Variants in PCNX2 observed in about 807,000 individuals in gnomAD.
PCNX2 encodes pecanex-like protein 2.
PCNX2 carries 168 observed loss-of-function variants against 223.8 expected under a neutral mutation model. That is an observed-to-expected ratio of 0.75 (90% CI 0.66 to 0.85). The LOEUF is 0.85. Among genes scored for constraint, PCNX2 ranks in the 40% least tolerant of loss-of-function variants. PCNX2 has a pLI of 0.00. For missense variants in PCNX2, 2,507 were observed against 2,675.5 expected, an observed-to-expected ratio of 0.94 and a Z score of 1.39; for synonymous variants, 1,006 against 1,052.6, an observed-to-expected ratio of 0.96 and a Z score of 0.86.
At chr1:233,274,568 A>G (rs955904276) in intron 1 of PCNX2, among the ~76,000 whole-genome samples, 1 of 152,218 alleles carries the variant, frequency 6.6e-6, no homozygotes, top group African/African-American at 2.4e-5. Flanking sequence ...GTAGAATTCC[A>G]AAGTAGAGTA....
At chr1:233,277,902 C>T (rs902169152) in intron 1 of PCNX2, among the ~76,000 whole-genome samples, 6 of 152,066 alleles carry the variant, frequency 3.9e-5, no homozygotes, top group South Asian at 2.1e-4. Flanking sequence ...GCAAAGAACA[C>T]CAAGAAGCAA....
At chr1:233,309,645 A>T in the PCNX2 span, among the ~76,000 whole-genome samples, 1 of 152,016 alleles carries the variant, frequency 6.6e-6, no homozygotes, top group African/African-American at 2.4e-5. Flanking sequence ...TGGGAGGCTG[A>T]GGAGGGCGGA....
In PCNX2 at chr1:233,177,823, G is replaced by C. The variant is rs753862008; in HGVS notation, c.3252C>G (p.Pro1084=). The C allele has an allele frequency of 5.4e-5, 87 of 1,613,452 alleles. No homozygotes were observed. Among genetic ancestry groups the C allele is most frequent in the Non-Finnish European group, 7.1e-5 (84 of 1,179,580 alleles). Residue 1084 remains proline (P), a synonymous_variant, in exon 17 of 34, where the codon CCC becomes CCG. Transcript: ENST00000258229. ...NLAESAADPL[P]KKMKDSVTDV... ...TCACCACTGAATCTTTCATCTTCTT[G>C]GGGAGAGGGTCAGCAGCTGACTCTG...
intron 25 of PCNX2, among the ~76,000 whole-genome samples, chr1:233,031,362 C>G (rs1315085603): frequency 6.6e-6 from 1 of 152,164 alleles, no homozygotes; most frequent in African/African-American, 2.4e-5. Flanking sequence ...TTCACAGTGT[C>G]TGGTAATTAG....
intron 1 of PCNX2, among the ~76,000 whole-genome samples, chr1:233,277,254 G>T (rs1660964158): frequency 6.6e-6 from 1 of 152,190 alleles, no homozygotes; most frequent in Non-Finnish European, 1.5e-5. Context: ...CTGCTGGGAG[G>T]CCTGGCGTGG....
chr1:233,102,391 T>C (rs752736207), intron 21 of PCNX2, among the ~76,000 whole-genome samples: 4 of 152,232 alleles, frequency 2.6e-5, no homozygotes, highest in Admixed American at 6.5e-5. Flanking sequence ...TTTGGATAGA[T>C]AGCCAGCCTT....
At chr1:233,211,772 A>C in intron 12 of PCNX2, 1 of 985,246 alleles carries the variant, frequency 1.0e-6, no homozygotes, top group Non-Finnish European at 1.2e-6. Context: ...ACAAAATTTC[A>C]TTCATACTCA....
At chr1:233,213,535 T>G (rs1047666580) in intron 12 of PCNX2, among the ~76,000 whole-genome samples, 1 of 152,198 alleles carries the variant, frequency 6.6e-6, no homozygotes, top group African/African-American at 2.4e-5. Flanking sequence ...TTCCCAATTT[T>G]TCTGTAGATT....
chr1:233,117,240 C>A (rs1188075294), intron 21 of PCNX2, among the ~76,000 whole-genome samples: 1 of 152,184 alleles, frequency 6.6e-6, no homozygotes, highest in Non-Finnish European at 1.5e-5. Flanking sequence ...TCCACAAAAT[C>A]TCTCCAGAAA....
chr1:233,128,330 T>C (rs1345028236), intron 21 of PCNX2, among the ~76,000 whole-genome samples: 1 of 152,130 alleles, frequency 6.6e-6, no homozygotes, highest in Admixed American at 6.5e-5. Flanking sequence ...ATGTTTTTTT[T>C]TTGTTTTGTT....
rs139543875 is a variant in PCNX2, at chr1:233,118,845, G to A, written c.3837+16168C>T. Among the ~76,000 whole-genome samples the A allele has an allele frequency of 2.2e-3, 337 of 152,168 alleles. 1 individual carries two copies. Among genetic ancestry groups the A allele is most frequent in the African/African-American group, 7.7e-3 (320 of 41,514 alleles). ...TCAGCAAGTATGTTTTTTTACAGAT[G>A]CAATAAAAATTAACCTAAAATTTAT... On this transcript the variant is annotated intron_variant, in intron 21 of 33. Transcript: ENST00000258229.
At chr1:233,080,784 A>G (rs1017858990) in intron 23 of PCNX2, among the ~76,000 whole-genome samples, 1 of 152,174 alleles carries the variant, frequency 6.6e-6, no homozygotes, top group Admixed American at 6.5e-5. Flanking sequence ...AATCTGGGGG[A>G]GAAGGGACCC....
chr1:233,228,780 A>G (rs1657889395), intron 9 of PCNX2, among the ~76,000 whole-genome samples: 1 of 152,232 alleles, frequency 6.6e-6, no homozygotes, highest in Non-Finnish European at 1.5e-5. Flanking sequence ...AGGTGTGCAA[A>G]TATCTCTTCG....
chr1:233,096,404 A>G (rs1674168719), intron 21 of PCNX2, among the ~76,000 whole-genome samples: 1 of 152,230 alleles, frequency 6.6e-6, no homozygotes, highest in East Asian at 1.9e-4. Flanking sequence ...GAAGATATGG[A>G]AAATACAGAA....
At position 233,207,018 on chromosome 1, in the gene PCNX2, AAAGAAGAAG is replaced by A. The variant is rs58751327; in HGVS notation, c.2863+1491_2863+1499del. Among the ~76,000 whole-genome samples, 115 of 150,572 alleles carry A rather than the reference AAAGAAGAAG, an allele frequency of 7.6e-4. 1 individual carries two copies. The South Asian group carries it at 8.8e-3, about 12-fold the overall frequency. ...AGAGCGAGACTCCAACAAAAAAAAA[AAAGAAGAAG>A]AAGAAGAAGAAGAAGAAGTTACTCT... On this transcript the variant is annotated intron_variant, in intron 13 of 33. Coordinates refer to ENST00000258229, the MANE Select transcript of PCNX2 (RefSeq NM_014801.4).
At chr1:233,129,343 C>A (rs768112359) in intron 21 of PCNX2, among the ~76,000 whole-genome samples, 26 of 152,196 alleles carry the variant, frequency 1.7e-4, no homozygotes, top group Non-Finnish European at 1.2e-4. Context: ...TGCCTCCCCA[C>A]GGGGCAGGGC....
At chr1:233,189,441 C>G (rs1443095116) in intron 15 of PCNX2, among the ~76,000 whole-genome samples, 2 of 152,178 alleles carry the variant, frequency 1.3e-5, no homozygotes, top group African/African-American at 4.8e-5. Flanking sequence ...AGACACAGAT[C>G]TGGGACGTGG....
intron 22 of PCNX2, among the ~76,000 whole-genome samples, chr1:233,093,096 G>A (rs977316493): frequency 6.6e-6 from 1 of 152,198 alleles, no homozygotes; most frequent in African/African-American, 2.4e-5. Context: ...ACTGTGCCCA[G>A]CCAGAAAACA....
chr1:233,011,484 G>A (rs1314749176), intron 28 of PCNX2, among the ~76,000 whole-genome samples: 3 of 152,152 alleles, frequency 2.0e-5, no homozygotes, highest in South Asian at 2.1e-4. Context: ...TGTGCAGGAC[G>A]TGCACATGTT....
Sources: gnomAD v4.1 joint callset for allele counts (sites outside exome capture counted in the v4.1 genomes callset) on GRCh38, gnomAD v4.1.1 for gene constraint, MANE v1.5 for transcripts, NCBI Gene and HGNC (gene_info 2026-07-23, HGNC 2026-07-21) for gene names.